The following TP63 variants were observed in gnomAD, a reference collection of about 807,000 sequenced individuals.
TP63 encodes tumor protein 63.
A neutral mutation model predicts 82.8 loss-of-function variants in TP63; 17 were observed. The observed-to-expected ratio is 0.21, with a 90% CI of 0.14 to 0.31. TP63 has a LOEUF of 0.31. Ranked by LOEUF, TP63 falls within the 10% of genes least tolerant of loss-of-function variation. TP63 has a pLI of 1.00. For missense variants in TP63, 648 were observed against 895.3 expected (o/e 0.72, Z 3.52); for synonymous variants, 330 against 321.7 (o/e 1.03, Z -0.28).
intron 4 of TP63, among the ~76,000 whole-genome samples, chr3:189,813,721 A>T (rs1308692616): frequency 1.3e-5 from 2 of 151,902 alleles, no homozygotes. Context: ...AAGGTCTTGT[A>T]TGGCAGACTC....
intron 1 of TP63, among the ~76,000 whole-genome samples, chr3:189,702,260 AG>A (rs1418332268): frequency 6.6e-6 from 1 of 152,236 alleles, no homozygotes; most frequent in Non-Finnish European, 1.5e-5. Flanking sequence ...CAGAAACTGC[AG>A]GGAAGATTTA....
Position 189,673,210 on chromosome 3 carries a change from CATA to C in TP63, c.62+41641_62+41643del, listed in dbSNP as rs1356419595. Among the ~76,000 whole-genome samples, 3 of 152,220 alleles carry C rather than the reference CATA, an allele frequency of 2.0e-5. No individual in the cohort carries two copies. In the East Asian group the frequency reaches 5.8e-4, roughly 29 times the overall value. ...TTTTTCACAGAACTGAACATTCTTC[CATA>C]ATAATAACTCTAGGAACTAGGAAAG... On this transcript the variant is annotated intron_variant, in intron 1 of 13. Transcript: ENST00000264731.
intron 1 of TP63, among the ~76,000 whole-genome samples, chr3:189,730,419 A>G (rs11929265): frequency 6.3e-4 from 96 of 152,288 alleles, no homozygotes; most frequent in African/African-American, 2.3e-3. Context: ...ATATTTAGTT[A>G]TTTCATAGAA....
At chr3:189,734,125 T>G (rs922448983) in intron 1 of TP63, among the ~76,000 whole-genome samples, 4 of 143,926 alleles carry the variant, frequency 2.8e-5, no homozygotes, top group African/African-American at 7.8e-5. Context: ...TCTCTTTCTC[T>G]CTTTCCCTCC....
chr3:189,794,609 C>T (rs1195360905), intron 3 of TP63, among the ~76,000 whole-genome samples: 7 of 151,718 alleles, frequency 4.6e-5, no homozygotes, highest in African/African-American at 9.7e-5. Context: ...AATTATGAGA[C>T]GATCAGGAAA....
intron 4 of TP63, among the ~76,000 whole-genome samples, chr3:189,842,418 T>C (rs896885098): frequency 3.3e-5 from 5 of 152,214 alleles, no homozygotes; most frequent in African/African-American, 1.2e-4. Context: ...TCTGGTGTGA[T>C]ATTTTCTCTG....
At chr3:189,790,584 T>TA (rs34074996) in intron 3 of TP63, among the ~76,000 whole-genome samples, 50,151 of 148,446 alleles carry the variant, frequency 0.34, 8,525 homozygotes, top group Admixed American at 0.46. Flanking sequence ...TGCAAAGGGA[T>TA]AAAAAAAAAA....
Position 189,652,872 on chromosome 3 carries a change from A to T in TP63, c.62+21295A>T, listed in dbSNP as rs1324083987. Among the ~76,000 whole-genome samples, 10 of 146,618 alleles carry T rather than the reference A, an allele frequency of 6.8e-5. 1 individual carries two copies. Among genetic ancestry groups the T allele is most frequent in the African/African-American group, 2.6e-4 (10 of 39,036 alleles). Reference sequence around the variant, plus strand: ...GCTCATTCTTCTCCTTCCTGTCACCATGTGAAGAAAGATATGTTTGCTTCT... The same window carrying T: ...GCTCATTCTTCTCCTTCCTGTCACCTTGTGAAGAAAGATATGTTTGCTTCT... On this transcript the variant is annotated intron_variant, in intron 1 of 13. Transcript: ENST00000264731.
chr3:189,644,485 G>A (rs1020816330), intron 1 of TP63, among the ~76,000 whole-genome samples: 1 of 152,156 alleles, frequency 6.6e-6, no homozygotes, highest in African/African-American at 2.4e-5. Flanking sequence ...AATACAAAAT[G>A]TGGGGCCCAC....
At chr3:189,670,070 T>G (rs1273756740) in intron 1 of TP63, among the ~76,000 whole-genome samples, 1 of 151,800 alleles carries the variant, frequency 6.6e-6, no homozygotes, top group Non-Finnish European at 1.5e-5. Flanking sequence ...ACAAGAAGAA[T>G]AATATTAGAA....
chr3:189,823,318 G>T (rs1244108776), intron 4 of TP63, among the ~76,000 whole-genome samples: 2 of 152,174 alleles, frequency 1.3e-5, no homozygotes, highest in African/African-American at 4.8e-5. Context: ...TAACTCTATC[G>T]CATGGGCAGT....
intron 1 of TP63, among the ~76,000 whole-genome samples, chr3:189,720,165 T>C (rs1488022248): frequency 6.6e-6 from 1 of 152,106 alleles, no homozygotes; most frequent in Non-Finnish European, 1.5e-5. Flanking sequence ...GTTTTGTAGG[T>C]AGACTAAAGC....
At chr3:189,638,972 G>T (rs138488988) in intron 1 of TP63, among the ~76,000 whole-genome samples, 46 of 152,280 alleles carry the variant, frequency 3.0e-4, no homozygotes, top group Middle Eastern at 6.8e-3. Flanking sequence ...AAACAGAGAT[G>T]CATGCTCCCA....
intron 1 of TP63, among the ~76,000 whole-genome samples, chr3:189,692,029 CG>C (rs1388178372): frequency 6.6e-6 from 1 of 152,202 alleles, no homozygotes; most frequent in African/African-American, 2.4e-5. Flanking sequence ...TTTATTGCTA[CG>C]GGTTGTCATC....
chr3:189,680,999 C>T (rs1715858827), intron 1 of TP63, among the ~76,000 whole-genome samples: 1 of 152,188 alleles, frequency 6.6e-6, no homozygotes, highest in African/African-American at 2.4e-5. Context: ...TCAGGTGCTT[C>T]CTTCACTTTT....
chr3:189,765,433 C>CTTTTTTTGTTTTTTTTTTTTTTTTTTTTT (rs1722873151), intron 3 of TP63, among the ~76,000 whole-genome samples: 1 of 30,088 alleles, frequency 3.3e-5, no homozygotes, highest in South Asian at 2.2e-3. Flanking sequence ...CTGTCCTCTG[C>CTTTTTTTGTTTTTTTTTTTTTTTTTTTTT]TTTTTTTTTT....
chr3:189,712,088 AT>A (rs1718636662), intron 1 of TP63, among the ~76,000 whole-genome samples: 2 of 152,214 alleles, frequency 1.3e-5, no homozygotes, highest in Non-Finnish European at 2.9e-5. Flanking sequence ...ATTAAAATTG[AT>A]GTGCATTTAT....
chr3:189,790,749 G>A (rs1319862148), intron 3 of TP63, among the ~76,000 whole-genome samples: 1 of 152,062 alleles, frequency 6.6e-6, no homozygotes, highest in Admixed American at 6.6e-5. Context: ...AGAGTTCGGT[G>A]TTTCAGATAA....
intron 12 of TP63, among the ~76,000 whole-genome samples, chr3:189,890,115 T>C (rs1244698258): frequency 6.6e-6 from 1 of 152,234 alleles, no homozygotes; most frequent in Non-Finnish European, 1.5e-5. Context: ...GTATATCTTC[T>C]TCTTCTGCTT....
Sources: allele counts gnomAD v4.1 joint callset (sites outside exome capture counted in the v4.1 genomes callset), GRCh38; gene constraint gnomAD v4.1.1; transcripts MANE v1.5; gene names NCBI Gene and HGNC (gene_info 2026-07-23, HGNC 2026-07-21).